Variants in FAAP20 observed in about 807,000 individuals in gnomAD.
FAAP20 encodes the protein Fanconi anemia core complex-associated protein 20.
A neutral mutation model predicts 16.2 loss-of-function variants in FAAP20; 12 were observed. That is an observed-to-expected ratio of 0.74 (90% CI 0.48 to 1.20). The LOEUF (loss-of-function observed/expected upper bound fraction) is 1.20, where lower values mean the gene tolerates loss of function less well. Ranked by LOEUF, FAAP20 falls within the 50% of genes most tolerant of loss-of-function variation. The probability of loss-of-function intolerance (pLI) is 0.00; values close to 1 mark genes in which losing one functional copy is unlikely to be tolerated. For synonymous variants in FAAP20, 141 were observed against 110.7 expected (o/e 1.27, Z -1.72); for missense variants, 288 against 245.8 (o/e 1.17, Z -1.15).
downstream of FAAP20, among the ~76,000 whole-genome samples, chr1:2,209,007 C>T (rs1480191290): frequency 2.0e-5 from 3 of 152,234 alleles, no homozygotes; most frequent in African/African-American, 7.2e-5. Context: ...CTGCACCCAG[C>T]AGCTGCTCCA....
At chr1:2,198,668 C>T (rs780585739), upstream of FAAP20, 18 of 1,221,876 alleles carry the variant, frequency 1.5e-5, no homozygotes, top group Admixed American at 1.3e-4. Flanking sequence ...ACCCTGGGCA[C>T]ATGCTGAAGG....
At chr1:2,200,295 T>C, upstream of FAAP20, 2 of 151,146 alleles carry the variant, frequency 1.3e-5, no homozygotes, top group Non-Finnish European at 1.5e-5. Flanking sequence ...CTTAGGAGGC[T>C]GAGGCAGGAG....
upstream of FAAP20, chr1:2,197,867 C>T: frequency 3.3e-6 from 3 of 920,090 alleles, no homozygotes; most frequent in South Asian, 1.7e-5. Flanking sequence ...CGGGTGCCTC[C>T]ACTTGTCAGG....
chr1:2,189,875 C>A, intron 3 of FAAP20, 94 bp from the exon 4 acceptor site: 1 of 982,414 alleles, frequency 1.0e-6, no homozygotes, highest in South Asian at 1.3e-5. Context: ...CTGCTCCTGC[C>A]GCTGGAGAGG....
At chr1:2,196,124 C>G (rs1014785904), upstream of FAAP20, among the ~76,000 whole-genome samples, 1 of 152,206 alleles carries the variant, frequency 6.6e-6, no homozygotes, top group Non-Finnish European at 1.5e-5. The surrounding 1 kb of genome is among the most constrained non-coding windows in gnomAD (Gnocchi z 4.5). Flanking sequence ...ACCAAGCGCT[C>G]TCAGACAGCC....
upstream of FAAP20, among the ~76,000 whole-genome samples, chr1:2,195,732 C>G (rs1002270947): frequency 2.0e-5 from 3 of 152,240 alleles, no homozygotes; most frequent in African/African-American, 7.2e-5. Context: ...AGTGGCCCAC[C>G]GTCCTTCAAG....
intron 3 of FAAP20, chr1:2,192,271 GGGTGAGTTCC>G (rs1688316542): frequency 2.0e-6 from 2 of 986,068 alleles, no homozygotes; most frequent in Admixed American, 1.2e-4. Flanking sequence ...CCACAGCCTC[GGGTGAGTTCC>G]GGTTCCAAAG....
chr1:2,200,985 G>A, upstream of FAAP20: 4 of 1,237,734 alleles, frequency 3.2e-6, no homozygotes, highest in Non-Finnish European at 4.2e-6. Context: ...GCTGGCTGGG[G>A]ACAGCCCTTG....
intron 1 of FAAP20, 29 bp from the exon 2 acceptor site, chr1:2,194,162 G>T: frequency 6.2e-7 from 1 of 1,610,530 alleles, no homozygotes; most frequent in Non-Finnish European, 8.5e-7. Flanking sequence ...GCAGACAGGG[G>T]GTACTCAGTA....
chr1:2,211,354 C>G (rs1689430856), downstream of FAAP20, among the ~76,000 whole-genome samples: 1 of 133,394 alleles, frequency 7.5e-6, no homozygotes, highest in Admixed American at 7.7e-5. Flanking sequence ...CTCAGCCTCC[C>G]AAGTAGCTGG....
In FAAP20 at chr1:2,194,673, G is replaced by A; in HGVS notation, c.62+15C>T. 1.9e-5 allele frequency: 20 copies of A among 1,066,314 alleles called. 1 individual carries two copies. Among genetic ancestry groups the A allele is most frequent in the Non-Finnish European group, 2.3e-5 (20 of 864,918 alleles). The allele number at this position is 1,066,314 out of a possible 1,614,324, so 66.1% of individuals were successfully genotyped here. On this transcript the variant is annotated intron_variant, in intron 1 of 3. Coordinates refer to ENST00000378546, the MANE Select transcript of FAAP20 (RefSeq NM_182533.4). ...GGGAAAACCGGCCGCGCCCCCGCCC[G>A]GCTCCCGGCCTCACCCGCCCGCCGG...
In FAAP20 at chr1:2,189,769, C is replaced by T; in HGVS notation, c.483G>A (p.Leu161=). 2 of 1,612,548 alleles carry T rather than the reference C, an allele frequency of 1.2e-6. No individual in the cohort carries two copies. Among genetic ancestry groups the T allele is most frequent in the Non-Finnish European group, 1.7e-6 (2 of 1,179,462 alleles). ...ACTGGGCCAGGTGGCTGTCAACATC[C>T]AGCTGGGTCAGCCTGCAAGGGAGGG... The part of the protein sequence containing the change: ...QKEFAPRLTQ[L]DVDSHLAQCL... Residue 161 remains leucine (L), a synonymous_variant, in exon 4 of 4, where the codon CTG becomes CTA. Transcript: ENST00000378546.
At position 2,192,370 on chromosome 1, in the gene FAAP20, T is replaced by C. The variant is rs192625654; in HGVS notation, c.470+1269A>G. ...ACACCAAGGCCTGGACCTGACTTCA[T>C]TGACGCCTACTTAGGAAAAATTGAG... On this transcript the variant is annotated intron_variant, in intron 3 of 3. Coordinates refer to ENST00000378546, the MANE Select transcript of FAAP20 (RefSeq NM_182533.4). 19 of 995,316 alleles carry C rather than the reference T, an allele frequency of 1.9e-5. No homozygotes were observed. The Admixed American group carries it at 3.9e-4, about 20-fold the overall frequency. The allele number at this position is 995,316 out of a possible 1,614,324, so 61.7% of individuals were successfully genotyped here.
At chr1:2,185,012 C>T, downstream of FAAP20, 1 of 1,610,084 alleles carries the variant, frequency 6.2e-7, no homozygotes, top group Non-Finnish European at 8.5e-7. Context: ...CGGTGTGAGG[C>T]CGCGTGCGTC....
At chr1:2,193,544 C>T in intron 3 of FAAP20, 95 bp downstream of exon 3, 1 of 1,525,268 alleles carries the variant, frequency 6.6e-7, no homozygotes, top group Non-Finnish European at 8.7e-7. Flanking sequence ...CTTTAAAAGC[C>T]AGCGCTGAGC....
At chr1:2,195,160 G>T (rs1278384186), upstream of FAAP20, among the ~76,000 whole-genome samples, 1 of 152,204 alleles carries the variant, frequency 6.6e-6, no homozygotes, top group Non-Finnish European at 1.5e-5. Context: ...AGTAAATAAA[G>T]CTTGAAATCC....
downstream of FAAP20, chr1:2,187,140 C>T: frequency 2.1e-6 from 1 of 469,452 alleles, no homozygotes; most frequent in Non-Finnish European, 4.4e-6. Flanking sequence ...GGCTGGCCGG[C>T]TCTCCTGTGG....
Position 2,194,045 on chromosome 1 carries a change from G to C in FAAP20, c.151C>G (p.Leu51Val). 6.2e-7 allele frequency: 1 copy of C among 1,612,682 alleles called. No homozygotes were observed. Among genetic ancestry groups the C allele is most frequent in the Non-Finnish European group, 8.5e-7 (1 of 1,179,956 alleles). Residue 51 changes from leucine (L) to valine (V), a missense_variant, in exon 2 of 4, where the codon CTG (leucine) becomes GTG (valine). Physicochemically the swap from Leu to Val is conservative, Grantham distance 32. Coordinates refer to ENST00000378546, the MANE Select transcript of FAAP20 (RefSeq NM_182533.4). ...GAAGGCACCTCGTGATCCAGGATCA[G>C]CTCCGGGCTCACCGTGCGCAGTAGC... ...AELLRTVSPE[L>V]ILDHEVPSLP...
chr1:2,200,748 C>T (rs115306885), upstream of FAAP20: 525 of 991,384 alleles, frequency 5.3e-4, 2 homozygotes, highest in African/African-American at 8.4e-3. Flanking sequence ...GGGGAGCCCT[C>T]GGTCTCCTGT....
Sources: gnomAD v4.1 joint callset for allele counts (sites outside exome capture counted in the v4.1 genomes callset) on GRCh38, gnomAD v4.1.1 for gene constraint, Gnocchi (gnomAD v3.1) non-coding constraint, MANE v1.5 for transcripts, NCBI Gene and HGNC (gene_info 2026-07-23, HGNC 2026-07-21) for gene names.